ADCK1: variants seen among roughly 807,000 people sequenced by gnomAD.
The protein encoded by ADCK1 is aarF domain-containing protein kinase 1.
A neutral mutation model predicts 52.3 loss-of-function variants in ADCK1; 41 were observed. The observed-to-expected ratio is 0.78, with a 90% CI of 0.61 to 1.02. The LOEUF (loss-of-function observed/expected upper bound fraction) is 1.02. ADCK1 is among the 50% of genes least tolerant of loss of function. The pLI, the probability that ADCK1 is intolerant of heterozygous loss-of-function variation, is 0.00. For missense variants in ADCK1, 658 were observed against 679.5 expected, an observed-to-expected ratio of 0.97 and a Z score of 0.35; for synonymous variants, 250 against 274.6, an observed-to-expected ratio of 0.91 and a Z score of 0.89.
Position 77,835,554 on chromosome 14 carries a change from G to A in ADCK1, c.219+13036G>A, listed in dbSNP as rs570348453. ...ACAGCACCCAGGTGGTTCACAACCTGTCAGACAATCAGTCACCTGGGGAGC... is the reference window on the plus strand; with the variant it reads ...ACAGCACCCAGGTGGTTCACAACCTATCAGACAATCAGTCACCTGGGGAGC... On this transcript the variant is annotated intron_variant, in intron 3 of 10. Transcript: ENST00000238561. Among the ~76,000 whole-genome samples, 3 of 152,332 alleles carry A rather than the reference G, an allele frequency of 2.0e-5. No individual in the cohort carries two copies. In the South Asian group the frequency reaches 6.2e-4, roughly 32 times the overall value.
chr14:77,886,602 C>A (rs747838655), intron 4 of ADCK1, among the ~76,000 whole-genome samples: 1 of 152,066 alleles, frequency 6.6e-6, no homozygotes, highest in Admixed American at 6.5e-5. Flanking sequence ...CAGGCAAGAC[C>A]CTGGGCTGGT....
At chr14:77,831,373 G>A (rs1168938745) in intron 3 of ADCK1, among the ~76,000 whole-genome samples, 1 of 152,182 alleles carries the variant, frequency 6.6e-6, no homozygotes, top group East Asian at 1.9e-4. Context: ...GTGAAACATA[G>A]GGATAGAATG....
intron 4 of ADCK1, 121 bp downstream of exon 4, chr14:77,859,400 A>C (rs1594954071): frequency 5.7e-5 from 56 of 977,420 alleles, no homozygotes; most frequent in Non-Finnish European, 7.0e-5. Context: ...ACCAAATGTC[A>C]CAGCCACTCT....
intron 3 of ADCK1, among the ~76,000 whole-genome samples, chr14:77,857,988 A>T (rs2082457388): frequency 6.6e-6 from 1 of 151,956 alleles, no homozygotes; most frequent in Admixed American, 6.6e-5. Context: ...GGCAGGGGGG[A>T]TGACTGTGGA....
intron 3 of ADCK1, among the ~76,000 whole-genome samples, chr14:77,855,964 A>C (rs2082408517): frequency 6.6e-6 from 1 of 152,110 alleles, no homozygotes; most frequent in East Asian, 1.9e-4. Context: ...ACACTTTGGG[A>C]TTACACCCGC....
chr14:77,801,259 A>C (rs1395882046), intron 1 of ADCK1, among the ~76,000 whole-genome samples: 1 of 152,150 alleles, frequency 6.6e-6, no homozygotes, highest in Non-Finnish European at 1.5e-5. Context: ...CAAGTGATGC[A>C]GTTGCTGTTG....
At chr14:77,819,695 G>C (rs2081540342) in intron 2 of ADCK1, among the ~76,000 whole-genome samples, 1 of 152,202 alleles carries the variant, frequency 6.6e-6, no homozygotes, top group Admixed American at 6.5e-5. Flanking sequence ...ATCCTGGTGT[G>C]ATCAGGTCCT....
At chr14:77,899,338 C>A in intron 6 of ADCK1, 80 bp downstream of exon 6, 1 of 1,539,854 alleles carries the variant, frequency 6.5e-7, no homozygotes, top group Non-Finnish European at 8.9e-7. Context: ...CTTGAGCATC[C>A]CTTTCAGGAC....
chr14:77,842,456 C>T (rs1225020323), intron 3 of ADCK1, among the ~76,000 whole-genome samples: 1 of 41,406 alleles, frequency 2.4e-5, no homozygotes, highest in African/African-American at 6.2e-5. Flanking sequence ...TTTTTCCTTC[C>T]TTCCTTCCTT....
At chr14:77,833,681 C>T (rs1030260778) in intron 3 of ADCK1, among the ~76,000 whole-genome samples, 1 of 152,140 alleles carries the variant, frequency 6.6e-6, no homozygotes, top group South Asian at 2.1e-4. Flanking sequence ...TGAGCCTTGA[C>T]GTGACCTGGG....
chr14:77,836,767 T>G (rs2081967883), intron 3 of ADCK1, among the ~76,000 whole-genome samples: 1 of 61,580 alleles, frequency 1.6e-5, no homozygotes, highest in East Asian at 3.0e-4. Context: ...TTTTCTTTCT[T>G]TCTTTCTTTT....
chr14:77,933,746 G>T lies in ADCK1; in HGVS notation c.*355G>T. 4.6e-6 allele frequency: 1 copy of T among 216,468 alleles called. No individual in the cohort carries two copies. Among genetic ancestry groups the T allele is most frequent in the Non-Finnish European group, 9.3e-6 (1 of 107,802 alleles). The allele number at this position is 216,468 out of a possible 1,614,324, so 13.4% of individuals were successfully genotyped here. ...TGGGGGCACACTGAACTTGTAGGGA[G>T]TGTGATTTTGTTGGAGGTGCACATG... On this transcript the variant is annotated 3_prime_UTR_variant, in exon 11 of 11. Coordinates refer to ENST00000238561, the MANE Select transcript of ADCK1 (RefSeq NM_020421.4).
At position 77,819,087 on chromosome 14, in the gene ADCK1, G is replaced by T. The variant is rs2081526044; in HGVS notation, c.109G>T (p.Val37Phe). Residue 37 changes from valine (V) to phenylalanine (F), a missense_variant, in exon 2 of 11, where the codon GTC becomes TTC. Coordinates refer to ENST00000238561, the MANE Select transcript of ADCK1 (RefSeq NM_020421.4). ...KYLDPNDFGA[V>F]RVGRAVATTA... ...CTTGGACCCTAATGACTTTGGCGCT[G>T]TCAGGGTGGGCAGAGCAGTTGCTAC... 2.5e-6 allele frequency: 4 copies of T among 1,612,726 alleles called. No individual in the cohort carries two copies. The highest frequency in any genetic ancestry group is 3.4e-6 in the Non-Finnish European group (4 of 1,179,792).
intron 1 of ADCK1, among the ~76,000 whole-genome samples, chr14:77,803,430 G>A (rs2139982900): frequency 6.6e-6 from 1 of 152,284 alleles, no homozygotes; most frequent in South Asian, 2.1e-4. Context: ...GCTAGTCACT[G>A]ACTCCGATGA....
intron 3 of ADCK1, among the ~76,000 whole-genome samples, chr14:77,845,570 A>G (rs1253932920): frequency 2.0e-5 from 3 of 152,086 alleles, no homozygotes; most frequent in Non-Finnish European, 4.4e-5. Flanking sequence ...CTACAGGCAC[A>G]TGCATCACCA....
chr14:77,881,632 C>T (rs1186541991), intron 4 of ADCK1, among the ~76,000 whole-genome samples: 2 of 152,172 alleles, frequency 1.3e-5, no homozygotes, highest in African/African-American at 2.4e-5. Flanking sequence ...TAGGACACTG[C>T]AGTGGTTTCT....
At chr14:77,852,660 A>AATATATATATATATATATAT (rs370053776) in intron 3 of ADCK1, among the ~76,000 whole-genome samples, 6 of 31,720 alleles carry the variant, frequency 1.9e-4, no homozygotes, top group African/African-American at 6.8e-4. Flanking sequence ...TAAATAAATA[A>AATATATATATATATATATAT]ATATATATAT....
At chr14:77,806,510 A>C (rs1261478918) in intron 1 of ADCK1, among the ~76,000 whole-genome samples, 1 of 152,098 alleles carries the variant, frequency 6.6e-6, no homozygotes, top group Non-Finnish European at 1.5e-5. Flanking sequence ...CTCTCTCCAG[A>C]GAGATCTAGC....
chr14:77,918,187 G>A (rs566530598), intron 7 of ADCK1, among the ~76,000 whole-genome samples: 1 of 152,134 alleles, frequency 6.6e-6, no homozygotes, highest in Non-Finnish European at 1.5e-5. Context: ...AAGAAGAGAC[G>A]GTGAGTGAAA....
Sources: allele counts gnomAD v4.1 joint callset (sites outside exome capture counted in the v4.1 genomes callset), GRCh38; gene constraint gnomAD v4.1.1; transcripts MANE v1.5; gene names NCBI Gene and HGNC (gene_info 2026-07-23, HGNC 2026-07-21).